The following PDLIM2 variants were observed in gnomAD, a reference collection of about 807,000 sequenced individuals.
PDLIM2 encodes the protein PDZ and LIM domain 2.
A neutral mutation model predicts 54.1 loss-of-function variants in PDLIM2; 51 were observed. The ratio of observed to expected loss-of-function variants is 0.94; its 90% CI spans 0.75 to 1.19. PDLIM2 has a LOEUF of 1.19. PDLIM2 is among the 50% of genes most tolerant of loss of function. PDLIM2 has a pLI of 0.00. For missense variants in PDLIM2, 912 were observed against 874.0 expected, an observed-to-expected ratio of 1.04 and a Z score of -0.55; for synonymous variants, 398 against 385.6, an observed-to-expected ratio of 1.03 and a Z score of -0.38.
downstream of PDLIM2, chr8:22,597,555 T>G (rs886316670): frequency 6.5e-6 from 1 of 152,728 alleles, no homozygotes; most frequent in Non-Finnish European, 1.5e-5. Context: ...TCCTGCTGGC[T>G]GGGCTTCCTG....
chr8:22,582,794 A>G (rs986857501), intron 3 of PDLIM2, among the ~76,000 whole-genome samples: 10 of 151,376 alleles, frequency 6.6e-5, no homozygotes, highest in African/African-American at 2.4e-4. Flanking sequence ...GTTGGCCAGG[A>G]TGGTCTCGAT....
rs1339635461 is a variant in PDLIM2 at position 22,592,860 on chromosome 8, G to A, written c.1632-873G>A. ...ACGGACTTACAGTCTTTATGTGAGA[G>A]GAACAACTTTTAAAAAAAATTTTTA... is the stretch of plus-strand genomic sequence containing the variant. On this transcript the variant is annotated intron_variant, in intron 9 of 9. Transcript: ENST00000308354. The A allele has an allele frequency of 2.0e-5, 3 of 152,152 alleles. No individual in the cohort carries two copies. In the East Asian group the frequency reaches 5.8e-4, roughly 29 times the overall value. 9.4% of individuals were successfully genotyped at this position (152,152 alleles called of 1,614,324 possible).
At chr8:22,594,263 C>A in exon 10 of PDLIM2, 2 of 1,394,198 alleles carry the variant, frequency 1.4e-6, no homozygotes, top group Non-Finnish European at 1.9e-6. Flanking sequence ...TTTTGACATA[C>A]TAGCTCTATA....
intron 6 of PDLIM2, chr8:22,588,222 AC>A (rs1800434517): frequency 6.6e-6 from 1 of 152,238 alleles, no homozygotes; most frequent in African/African-American, 2.4e-5. Flanking sequence ...TTACTGGAGA[AC>A]CCTGAGAGCA....
chr8:22,581,363 C>A lies in PDLIM2; in HGVS notation c.844-16C>A. The A allele has an allele frequency of 1.9e-6, 3 of 1,587,558 alleles. No individual in the cohort carries two copies. The highest frequency in any genetic ancestry group is 2.6e-6 in the Non-Finnish European group (3 of 1,169,064). On this transcript the variant is annotated splice_polypyrimidine_tract_variant and intron_variant, in intron 2 of 9. Coordinates refer to ENST00000308354, the Ensembl canonical transcript of PDLIM2. ...CTGGGCCACGGTCTGAGCATGCCAGCTCCTCATCCCTACAGGTGGCCGAGC... is the reference window on the plus strand; with the variant it reads ...CTGGGCCACGGTCTGAGCATGCCAGATCCTCATCCCTACAGGTGGCCGAGC...
At chr8:22,584,794 C>T in intron 3 of PDLIM2, 27 bp from the exon 3 acceptor site, 1 of 1,611,256 alleles carries the variant, frequency 6.2e-7, no homozygotes, top group Non-Finnish European at 8.5e-7. Flanking sequence ...GCCCCTGTGA[C>T]ATTCCCTCCC....
chr8:22,596,289 T>C (rs890669056), downstream of PDLIM2: 2 of 152,220 alleles, frequency 1.3e-5, no homozygotes, highest in Non-Finnish European at 1.5e-5. Context: ...ATCGAATGCC[T>C]TCTGAGGGCT....
At chr8:22,585,434 C>T in intron 6 of PDLIM2, 35 bp downstream of exon 5, 1 of 1,569,960 alleles carries the variant, frequency 6.4e-7, no homozygotes, top group Non-Finnish European at 8.7e-7. Context: ...GCTGGAGGAA[C>T]AGAAGCACCT....
intron 6 of PDLIM2, among the ~76,000 whole-genome samples, chr8:22,587,363 T>C (rs1368693503): frequency 1.3e-5 from 2 of 151,976 alleles, no homozygotes; most frequent in Admixed American, 6.6e-5. Flanking sequence ...GAAACCCCCA[T>C]CTCTTTAAAA....
exon 1 of PDLIM2, chr8:22,579,202 C>G: frequency 2.2e-6 from 3 of 1,386,194 alleles, no homozygotes; most frequent in Non-Finnish European, 2.8e-6. Flanking sequence ...GGGCGCCCAG[C>G]CGGACAGGTG....
At chr8:22,591,982 T>G in intron 9 of PDLIM2, 1 of 228,476 alleles carries the variant, frequency 4.4e-6, no homozygotes, top group Non-Finnish European at 8.4e-6. Context: ...TGGAAAATCT[T>G]GCTCTTTCCC....
At chr8:22,584,983 C>T (rs767232936) in intron 4 of PDLIM2, 34 bp from the exon 4 acceptor site, 5 of 1,613,152 alleles carry the variant, frequency 3.1e-6, no homozygotes, top group Non-Finnish European at 4.2e-6. Flanking sequence ...GCGGGGCAGC[C>T]CTGCCTTTCC....
Position 22,579,216 on chromosome 8 carries a change from G to T in PDLIM2, c.437G>T (p.Arg146Leu), listed in dbSNP as rs1466324029. Reference sequence around the variant, plus strand: ...TGGGCGCCCAGCCGGACAGGTGAGCGGCAGCCAGGTGAGCGCGCCCACCTG... The same window carrying T: ...TGGGCGCCCAGCCGGACAGGTGAGCTGCAGCCAGGTGAGCGCGCCCACCTG... Residue 146 changes from arginine to leucine, a missense_variant, in exon 1 of 10, where the codon CGG (arginine) becomes CTG (leucine). Transcript: ENST00000308354. The T allele has an allele frequency of 7.2e-6, 10 of 1,385,482 alleles. No homozygotes were observed. In the East Asian group the frequency reaches 9.3e-5, roughly 13 times the overall value. The allele number at this position is 1,385,482 out of a possible 1,614,324, so 85.8% of individuals were successfully genotyped here.
At chr8:22,589,460 G>C in intron 7 of PDLIM2, 86 bp downstream of exon 6, 1 of 1,529,782 alleles carries the variant, frequency 6.5e-7, no homozygotes, top group Non-Finnish European at 8.8e-7. Flanking sequence ...AGAGGGATGG[G>C]GTCCCCCAAG....
Position 22,591,477 on chromosome 8 carries a change from C to T in PDLIM2, c.1514-74C>T, listed in dbSNP as rs117590087. The stretch of plus-strand genomic sequence containing the variant: ...CTTATAAGGGTGCTTTCCAAGACCA[C>T]CTCCTCAGAGCATCTTTGGGAGGAT... On this transcript the variant is annotated intron_variant, in intron 8 of 9. Coordinates refer to ENST00000308354, the Ensembl canonical transcript of PDLIM2. The T allele has an allele frequency of 7.7e-3, 10,586 of 1,373,250 alleles. 70 individuals are homozygous for T. Among genetic ancestry groups the T allele is most frequent in the Non-Finnish European group, 8.4e-3 (8,053 of 961,606 alleles). 85.1% of individuals were successfully genotyped at this position (1,373,250 alleles called of 1,614,324 possible).
chr8:22,593,899 T>C, exon 10 of PDLIM2: 1 of 1,546,586 alleles, frequency 6.5e-7, no homozygotes, highest in Non-Finnish European at 8.7e-7. Context: ...CACCCTCAGC[T>C]CTCGGGCCTG....
chr8:22,591,344 G>A (rs564824105), intron 8 of PDLIM2: 24 of 590,008 alleles, frequency 4.1e-5, no homozygotes, highest in African/African-American at 3.9e-4. Flanking sequence ...GGGCAAACTC[G>A]GCCTTGTACC....
At chr8:22,583,229 C>G (rs13266443) in intron 3 of PDLIM2, among the ~76,000 whole-genome samples, 26,168 of 152,058 alleles carry the variant, frequency 0.17, 2,550 homozygotes, top group Middle Eastern at 0.28. Flanking sequence ...GCGTGCCCCT[C>G]TCGCTGGTGG....
chr8:22,592,906 C>T (rs1393889467), intron 9 of PDLIM2: 1 of 152,228 alleles, frequency 6.6e-6, no homozygotes, highest in East Asian at 1.9e-4. Context: ...TAGAGTTTCA[C>T]TCTGTTGCTC....
Sources: gnomAD v4.1 joint callset for allele counts (sites outside exome capture counted in the v4.1 genomes callset) on GRCh38, gnomAD v4.1.1 for gene constraint, MANE v1.5 for transcripts, NCBI Gene and HGNC (gene_info 2026-07-23, HGNC 2026-07-21) for gene names.